TFCP2L1: variants seen among roughly 807,000 people sequenced by gnomAD.
TFCP2L1 encodes transcription factor CP2-like protein 1.
TFCP2L1 carries 12 observed loss-of-function variants against 72.2 expected under a neutral mutation model. The observed-to-expected ratio is 0.17, with a 90% confidence interval of 0.11 to 0.27. The LOEUF is 0.27. Ranked by LOEUF, TFCP2L1 falls within the 10% of genes least tolerant of loss-of-function variation. The pLI, the probability that TFCP2L1 is intolerant of heterozygous loss-of-function variation, is 1.00. For synonymous variants in TFCP2L1, 260 were observed against 251.0 expected (o/e 1.04, Z -0.34); for missense variants, 488 against 624.6 (o/e 0.78, Z 2.33).
intron 2 of TFCP2L1, among the ~76,000 whole-genome samples, chr2:121,269,918 A>AAAAAAAAAAAATATATATAT: frequency 2.6e-5 from 3 of 115,182 alleles, no homozygotes; most frequent in African/African-American, 3.7e-5. Context: ...AAAAAAAAAA[A>AAAAAAAAAAAATATATATAT]ATATATATAT....
intron 7 of TFCP2L1, 82 bp downstream of exon 7, chr2:121,242,277 G>T: frequency 2.4e-6 from 3 of 1,254,512 alleles, no homozygotes; most frequent in African/African-American, 1.5e-5. Flanking sequence ...CGAGATGGGC[G>T]ATTTTCCAAG....
chr2:121,231,599 C>G lies in TFCP2L1; in HGVS notation c.1341+227G>C, dbSNP rs761066438. ...CTGTCCTCCTGGCTCCCACCGGGCA[C>G]CCAGCCCAGGAGGGGTAAGGAGTGC... On this transcript the variant is annotated intron_variant, in intron 13 of 14. Transcript: ENST00000263707. Among the ~76,000 whole-genome samples the G allele has an allele frequency of 1.0e-3, 154 of 152,376 alleles. 3 individuals are homozygous for G. The highest frequency in any genetic ancestry group is 5.1e-4 in the Non-Finnish European group (35 of 68,032).
In TFCP2L1 at chr2:121,281,199, T is replaced by G; in HGVS notation, c.135A>C (p.Pro45=). 3 of 1,611,820 alleles carry G rather than the reference T, an allele frequency of 1.9e-6. No homozygotes were observed. Among genetic ancestry groups the G allele is most frequent in the Non-Finnish European group, 2.5e-6 (3 of 1,179,496 alleles). ...CAGCACACAACACATATTGCAGGGG[T>G]GGCAGGCGGGCCTCGTTCTCGGGGG... ...QLSPENEARL[P]PLQYVLCAAT... Residue 45 remains proline (P), a synonymous_variant, in exon 2 of 15, where the codon CCA becomes CCC. Coordinates refer to ENST00000263707, the MANE Select transcript of TFCP2L1 (RefSeq NM_014553.3).
chr2:121,268,833 G>A (rs116381794), intron 2 of TFCP2L1, among the ~76,000 whole-genome samples: 3,122 of 149,142 alleles, frequency 0.021, 55 homozygotes, highest in Non-Finnish European at 0.029. Flanking sequence ...TACCTTTCAC[G>A]GCCATACAGA....
intron 12 of TFCP2L1, 71 bp from the exon 13 acceptor site, chr2:121,232,039 G>A (rs1686154552): frequency 1.3e-6 from 2 of 1,504,214 alleles, no homozygotes; most frequent in East Asian, 2.4e-5. Context: ...CACCCGCCCT[G>A]AGAAAGCAGT....
chr2:121,259,437 A>C (rs1029254790), intron 2 of TFCP2L1, among the ~76,000 whole-genome samples: 2 of 152,260 alleles, frequency 1.3e-5, no homozygotes, highest in African/African-American at 4.8e-5. Flanking sequence ...AGATAGTTAC[A>C]CATAAATGCA....
intron 2 of TFCP2L1, among the ~76,000 whole-genome samples, chr2:121,276,837 T>C (rs1687157371): frequency 6.6e-6 from 1 of 152,012 alleles, no homozygotes; most frequent in Non-Finnish European, 1.5e-5. Context: ...ACTCAGCTAA[T>C]TGATTTTGAG....
chr2:121,246,293 G>C (rs974701729), intron 6 of TFCP2L1, among the ~76,000 whole-genome samples: 1 of 152,234 alleles, frequency 6.6e-6, no homozygotes, highest in African/African-American at 2.4e-5. Flanking sequence ...GGCGACTGTA[G>C]GGAATGAAGC....
At chr2:121,277,861 G>A (rs375079430) in intron 2 of TFCP2L1, among the ~76,000 whole-genome samples, 4 of 152,164 alleles carry the variant, frequency 2.6e-5, no homozygotes, top group African/African-American at 4.8e-5. Context: ...TGGTGAAATC[G>A]GAGGGGATTT....
intron 2 of TFCP2L1, among the ~76,000 whole-genome samples, chr2:121,273,205 AC>A (rs1030531775): frequency 2.6e-5 from 4 of 151,240 alleles, no homozygotes; most frequent in Non-Finnish European, 5.9e-5. Context: ...AGCATTCCCC[AC>A]CGCAAGTCAT....
intron 2 of TFCP2L1, among the ~76,000 whole-genome samples, chr2:121,272,783 T>C (rs190168718): frequency 2.6e-5 from 4 of 152,342 alleles, no homozygotes; most frequent in South Asian, 4.1e-4. Flanking sequence ...TTTACCCATA[T>C]GGCAGCACCT....
intron 2 of TFCP2L1, among the ~76,000 whole-genome samples, chr2:121,267,899 G>C (rs1474861327): frequency 6.6e-6 from 1 of 152,164 alleles, no homozygotes; most frequent in Non-Finnish European, 1.5e-5. Flanking sequence ...CAACAAAGAA[G>C]TCCAGGCATG....
intron 2 of TFCP2L1, among the ~76,000 whole-genome samples, chr2:121,271,820 G>A (rs1687053264): frequency 1.3e-5 from 2 of 152,188 alleles, no homozygotes; most frequent in African/African-American, 4.8e-5. Context: ...TTGGTTCTAG[G>A]AGCAGGGAAG....
chr2:121,232,495 A>G (rs1686165363), intron 12 of TFCP2L1, among the ~76,000 whole-genome samples: 1 of 152,076 alleles, frequency 6.6e-6, no homozygotes. Flanking sequence ...TGAAATGCAG[A>G]GATCCCTAGA....
chr2:121,227,650 C>T (rs1573355355), intron 13 of TFCP2L1, among the ~76,000 whole-genome samples: 1 of 151,958 alleles, frequency 6.6e-6, no homozygotes, highest in East Asian at 1.9e-4. Context: ...CACTGCACTT[C>T]AGCCTGGGTG....
At position 121,224,182 on chromosome 2, in the gene TFCP2L1, G is replaced by A. The variant is rs991388308; in HGVS notation, c.*159C>T. 5.5e-6 allele frequency: 4 copies of A among 725,242 alleles called. No individual in the cohort carries two copies. The highest frequency in any genetic ancestry group is 6.9e-6 in the Non-Finnish European group (3 of 433,782). 44.9% of individuals were successfully genotyped at this position (725,242 alleles called of 1,614,324 possible). A position where few individuals can be genotyped will look rare whatever the true frequency, so the allele number is the denominator to read the frequency against. On this transcript the variant is annotated 3_prime_UTR_variant, in exon 15 of 15. Coordinates refer to ENST00000263707, the MANE Select transcript of TFCP2L1 (RefSeq NM_014553.3). ...TGTACACCGTACTTGGTGTCCACAG[G>A]CTTCTGCTGGTTGGTGCTCTGTAGC...
chr2:121,255,800 CG>C (rs2104718819), intron 2 of TFCP2L1, among the ~76,000 whole-genome samples: 1 of 151,374 alleles, frequency 6.6e-6, no homozygotes, highest in South Asian at 2.1e-4. Context: ...TGGAGTACAG[CG>C]GCACGATCTC....
At chr2:121,250,668 A>G (rs1013041815) in intron 2 of TFCP2L1, among the ~76,000 whole-genome samples, 26 of 148,134 alleles carry the variant, frequency 1.8e-4, no homozygotes, top group Non-Finnish European at 3.1e-4. Flanking sequence ...GTGCAGTGGC[A>G]CGATCTTGGC....
chr2:121,267,416 T>C (rs746780164), intron 2 of TFCP2L1, among the ~76,000 whole-genome samples: 6 of 152,246 alleles, frequency 3.9e-5, no homozygotes, highest in Non-Finnish European at 7.3e-5. Flanking sequence ...ATAAGTATGA[T>C]GTTTTAATTA....
Sources: allele counts gnomAD v4.1 joint callset (sites outside exome capture counted in the v4.1 genomes callset), GRCh38; gene constraint gnomAD v4.1.1; transcripts MANE v1.5; gene names NCBI Gene and HGNC (gene_info 2026-07-23, HGNC 2026-07-21).